The following PLEKHG4B variants were observed in gnomAD, a reference collection of about 807,000 sequenced individuals.
PLEKHG4B encodes pleckstrin homology domain-containing family G member 4B.
A neutral mutation model predicts 121.3 loss-of-function variants in PLEKHG4B; 111 were observed. The ratio of observed to expected loss-of-function variants is 0.92; its 90% CI spans 0.78 to 1.07. The LOEUF (loss-of-function observed/expected upper bound fraction) is 1.07. Ranked by LOEUF, PLEKHG4B falls within the 50% of genes least tolerant of loss-of-function variation. The pLI is 0.00. For missense variants in PLEKHG4B, 1,831 were observed against 1,757.8 expected (o/e 1.04, Z -0.74); for synonymous variants, 738 against 725.0 (o/e 1.02, Z -0.29).
chr5:143,426 G>C lies in PLEKHG4B; in HGVS notation c.1734G>C (p.Arg578Ser). The change falls in exon 5 of 20, where the codon AGG (arginine) becomes AGC (serine). Residue 578 changes from arginine to serine, a missense_variant. Arg to Ser is a moderately radical substitution (Grantham distance 110). Transcript: ENST00000637938. ...GAGCAGTGGTGCAGGTCCGCACCAG[G>C]AGCCTGCTCTGGACCAGGGAACACT... ...HGRAVVQVRT[R>S]SLLWTREHSS... 1.2e-6 allele frequency: 2 copies of C among 1,612,896 alleles called. No homozygotes were observed. Among genetic ancestry groups the C allele is most frequent in the Non-Finnish European group, 1.7e-6 (2 of 1,180,002 alleles).
rs1560962138 is a variant in PLEKHG4B, at chr5:184,020, G to GATAGAT, written c.*1699_*1704dup. 1 of 150,964 alleles carries GATAGAT rather than the reference G, an allele frequency of 6.6e-6. No homozygotes were observed. The highest frequency in any genetic ancestry group is 2.5e-5 in the African/African-American group (1 of 40,438). 9.4% of individuals were successfully genotyped at this position (150,964 alleles called of 1,614,324 possible). A position where few individuals can be genotyped will look rare whatever the true frequency, so the allele number is the denominator to read the frequency against. On this transcript the variant is annotated 3_prime_UTR_variant, in exon 20 of 20. Transcript: ENST00000637938. ...AGATAGATAGATAGATAGATAGATAGATAGATAGACTGACAGACAGATGAG... is the reference window on the plus strand; with the variant it reads ...AGATAGATAGATAGATAGATAGATAGATAGATATAGATAGACTGACAGACAGATGAG...
Position 154,963 on chromosome 5 carries a change from GC to G in PLEKHG4B, c.2083del (p.His695MetfsTer32), listed in dbSNP as rs1560934305. On this transcript the variant is annotated frameshift_variant, in exon 8 of 20. Transcript: ENST00000637938. LOFTEE classifies it high-confidence loss of function. ...TADLDGSFPY[S>X]HGDWICFRQR... ...GACCTCGACGGCTCCTTTCCCTACA[GC>G]CATGGTGACTGGATCTGCTTCCGTC... 2 of 1,613,380 alleles carry G rather than the reference GC, an allele frequency of 1.2e-6. No homozygotes were observed. The highest frequency in any genetic ancestry group is 2.7e-5 in the African/African-American group (2 of 75,050).
At chr5:142,579 A>C (rs1735250380) in intron 3 of PLEKHG4B, among the ~76,000 whole-genome samples, 1 of 151,942 alleles carries the variant, frequency 6.6e-6, no homozygotes, top group African/African-American at 2.4e-5. Context: ...CACCACACGC[A>C]GTCACATGCC....
intron 13 of PLEKHG4B, among the ~76,000 whole-genome samples, chr5:167,021 T>TG (rs916553486): frequency 6.6e-6 from 1 of 152,132 alleles, no homozygotes; most frequent in African/African-American, 2.4e-5. Context: ...GTTTCAGGTT[T>TG]GGGGGGCAGC....
rs1733839393 is a variant in PLEKHG4B, at chr5:102,162, G to T, written c.45+9886G>T. 1.3e-5 allele frequency among the ~76,000 whole-genome samples: 2 copies of T among 151,898 alleles called. 1 individual carries two copies. Among genetic ancestry groups the T allele is most frequent in the African/African-American group, 4.9e-5 (2 of 41,232 alleles). On this transcript the variant is annotated intron_variant, in intron 1 of 19. Coordinates refer to ENST00000637938, the MANE Select transcript of PLEKHG4B (RefSeq NM_052909.5). ...GGAAAAAGCCTGTAGGGGAGAGACT[G>T]CTGTGAGGTTAATCCATATAAATCC...
In PLEKHG4B at chr5:158,612, T is replaced by C. The variant is rs1735881901; in HGVS notation, c.2487+1701T>C. 3.8e-5 allele frequency among the ~76,000 whole-genome samples: 4 copies of C among 106,426 alleles called. 1 individual carries two copies. In the South Asian group the frequency reaches 1.5e-3, roughly 39 times the overall value. 69.8% of individuals were successfully genotyped at this position (106,426 alleles called of 152,430 possible). ...ATCTTCCCCTCCTCGTTCTACTCCG[T>C]CCTTGGGGGGGTCTCCCCCATCTCC... On this transcript the variant is annotated intron_variant, in intron 11 of 19. Transcript: ENST00000637938.
chr5:103,911 T>C (rs1733895281), intron 1 of PLEKHG4B, among the ~76,000 whole-genome samples: 1 of 152,216 alleles, frequency 6.6e-6, no homozygotes, highest in Non-Finnish European at 1.5e-5. Flanking sequence ...ACTCTCTACC[T>C]TCATGAGATC....
At chr5:152,239 C>G (rs1224157100) in intron 7 of PLEKHG4B, among the ~76,000 whole-genome samples, 3 of 148,292 alleles carry the variant, frequency 2.0e-5, no homozygotes, top group Non-Finnish European at 3.0e-5. Flanking sequence ...GAGACAGCAT[C>G]TAGCTCTGTC....
chr5:140,832 ACAC>A (rs1392639924), intron 3 of PLEKHG4B, 116 bp downstream of exon 3: 78 of 598,228 alleles, frequency 1.3e-4, no homozygotes, highest in Non-Finnish European at 1.6e-4. Flanking sequence ...CTCCCCCTGC[ACAC>A]CACCACAACC....
Position 104,208 on chromosome 5 carries a change from C to T in PLEKHG4B, c.46-9043C>T, listed in dbSNP as rs541567118. ...ATTCCTAAACAACCTCAGCCAGTCC[C>T]AGCACCGATTCCTAAACAACCTCAG... On this transcript the variant is annotated intron_variant, in intron 1 of 19. Transcript: ENST00000637938. Among the ~76,000 whole-genome samples the T allele has an allele frequency of 2.1e-4, 31 of 149,452 alleles. 2 individuals are homozygous for T. The South Asian group carries it at 6.5e-3, about 31-fold the overall frequency.
chr5:110,978 C>G (rs192046053), intron 1 of PLEKHG4B, among the ~76,000 whole-genome samples: 1 of 152,260 alleles, frequency 6.6e-6, no homozygotes, highest in East Asian at 1.9e-4. Context: ...CTCCTGGCCC[C>G]GAGGCCTGGA....
chr5:162,036 C>T, intron 12 of PLEKHG4B, 92 bp downstream of exon 12: 4 of 1,448,378 alleles, frequency 2.8e-6, no homozygotes, highest in Non-Finnish European at 2.7e-6. Context: ...CTGGAGTGGG[C>T]CAGGCTGTGG....
rs1338112422 is a variant in PLEKHG4B, at chr5:140,046, A to G, written c.807A>G (p.Pro269=). 2.3e-6 allele frequency: 1 copy of G among 434,426 alleles called. No individual in the cohort carries two copies. Among genetic ancestry groups the G allele is most frequent in the Non-Finnish European group, 4.0e-6 (1 of 247,474 alleles). 26.9% of individuals were successfully genotyped at this position (434,426 alleles called of 1,614,324 possible). A position where few individuals can be genotyped will look rare whatever the true frequency, so the allele number is the denominator to read the frequency against. The part of the protein sequence containing the change: ...GSDQLRHLPY[P]ERAELGSPRT... ...ACCAGCTCAGGCACCTTCCTTATCC[A>G]GAAAGAGCCGAGCTGGGAAGCCCCA... Residue 269 remains proline (P), a synonymous_variant, in exon 3 of 20, where the codon CCA becomes CCG. Coordinates refer to ENST00000637938, the MANE Select transcript of PLEKHG4B (RefSeq NM_052909.5).
intron 1 of PLEKHG4B, among the ~76,000 whole-genome samples, chr5:107,401 T>G (rs911911137): frequency 6.6e-6 from 1 of 152,206 alleles, no homozygotes; most frequent in Non-Finnish European, 1.5e-5. Context: ...TTGCACGACG[T>G]TGCCCCTGAG....
chr5:118,459 A>G (rs537484285), intron 2 of PLEKHG4B, among the ~76,000 whole-genome samples: 2 of 152,334 alleles, frequency 1.3e-5, no homozygotes, highest in East Asian at 1.9e-4. Context: ...CCAAAATCTG[A>G]TAAAATTCTT....
chr5:175,483 G>A (rs539433514), intron 18 of PLEKHG4B, among the ~76,000 whole-genome samples: 1 of 152,238 alleles, frequency 6.6e-6, no homozygotes, highest in South Asian at 2.1e-4. Flanking sequence ...CAAAGCCACT[G>A]TAAACCCAGC....
chr5:146,464 A>ACCCCTGCAATCCTCTCTCCTC (rs1419065293), intron 6 of PLEKHG4B, among the ~76,000 whole-genome samples: 1 of 98,276 alleles, frequency 1.0e-5, no homozygotes, highest in Non-Finnish European at 2.1e-5. Context: ...TCTCCTCTTC[A>ACCCCTGCAATCCTCTCTCCTC]CCCCTGCAAT....
At chr5:127,634 C>T (rs1483299645) in intron 2 of PLEKHG4B, among the ~76,000 whole-genome samples, 3 of 151,958 alleles carry the variant, frequency 2.0e-5, no homozygotes, top group South Asian at 2.1e-4. Context: ...AGGTGGCGGC[C>T]GAACAGTGAG....
Position 163,326 on chromosome 5 carries a change from G to T in PLEKHG4B, c.3254G>T (p.Ser1085Ile). 2.5e-6 allele frequency: 4 copies of T among 1,613,432 alleles called. No homozygotes were observed. The highest frequency in any genetic ancestry group is 3.4e-6 in the Non-Finnish European group (4 of 1,180,024). The change falls in exon 13 of 20, where the codon AGT becomes ATT. Residue 1085 changes from serine (S) to isoleucine (I), a missense_variant. Physicochemically the swap from Ser to Ile is moderately radical, Grantham distance 142. Coordinates refer to ENST00000637938, the MANE Select transcript of PLEKHG4B (RefSeq NM_052909.5). ...PQKKMIKKTQSFEIPQPDSGP... is the reference protein window; with the variant it reads ...PQKKMIKKTQIFEIPQPDSGP... ...AAGAAAATGATAAAGAAAACGCAAA[G>T]TTTCGAGATACCTCAGCCCGACAGT...
Sources: allele counts gnomAD v4.1 joint callset (sites outside exome capture counted in the v4.1 genomes callset), GRCh38; gene constraint gnomAD v4.1.1; transcripts MANE v1.5; gene names NCBI Gene and HGNC (gene_info 2026-07-23, HGNC 2026-07-21).